The following TAF1 variants were observed in gnomAD, a reference collection of about 807,000 sequenced individuals.
The protein encoded by TAF1 is TATA-box binding protein associated factor 1.
TAF1 carries 2 observed loss-of-function variants against 138.5 expected under a neutral mutation model. That is an observed-to-expected ratio of 0.01 (90% CI 0.01 to 0.05). The LOEUF (loss-of-function observed/expected upper bound fraction) is 0.05, where lower values mean the gene tolerates loss of function less well. Among genes scored for constraint, TAF1 ranks in the 10% least tolerant of loss-of-function variants. TAF1 has a pLI of 1.00. For missense variants in TAF1, 709 were observed against 1,478.0 expected (o/e 0.48, Z 8.53); for synonymous variants, 437 against 503.2 (o/e 0.87, Z 1.76).
At chrX:71,458,140 T>C in intron 34 of TAF1, 101 bp from the exon 35 acceptor site, 1 of 1,026,855 alleles carries the variant, frequency 9.7e-7, no homozygotes, top group Non-Finnish European at 1.3e-6. Context: ...ACTGAATTGC[T>C]CTGCATGATC....
intron 32 of TAF1, chrX:71,441,681 G>C (rs964574118): frequency 2.0e-5 from 6 of 296,468 alleles, no homozygotes; most frequent in African/African-American, 1.4e-4. Context: ...CTATAATTTT[G>C]TATCTTTTTT....
At position 71,382,789 on chromosome X, in the gene TAF1, C is replaced by G; in HGVS notation, c.1694C>G (p.Pro565Arg). 1 of 1,209,759 alleles carries G rather than the reference C, an allele frequency of 8.3e-7. No homozygotes were observed. Among genetic ancestry groups the G allele is most frequent in the East Asian group, 3.0e-5 (1 of 33,830 alleles). Residue 565 changes from proline (P) to arginine (R), a missense_variant, in exon 11 of 38, where the codon CCA (proline) becomes CGA (arginine). Around this residue, in one of 14 missense-constraint regions of TAF1, gnomAD observed 201 missense variants for 421.3 expected, o/e 0.48. Coordinates refer to ENST00000423759, the MANE Select transcript of TAF1 (RefSeq NM_004606.5). ...QNMSQPEVKD[P>R]WNLSNDEYYY... ...ATGTCTCAGCCAGAAGTGAAAGATC[C>G]ATGGAATCTCTCCAATGATGAGTAT...
At chrX:71,504,071 C>T (rs1176871792) in intron 13 of TAF1, among the ~76,000 whole-genome samples, 1 of 110,747 alleles carries the variant, frequency 9.0e-6, no homozygotes, top group Non-Finnish European at 1.9e-5. Context: ...AAGACCAGAG[C>T]TGAAGTTTCC....
intron 13 of TAF1, among the ~76,000 whole-genome samples, chrX:71,480,089 G>A (rs903161658): frequency 1.8e-5 from 2 of 111,111 alleles, no homozygotes; most frequent in Non-Finnish European, 3.8e-5. Context: ...TCTGGGCATG[G>A]TGGTGTGCAC....
At chrX:71,434,981 C>T (rs1469979394) in intron 32 of TAF1, among the ~76,000 whole-genome samples, 2 of 112,342 alleles carry the variant, frequency 1.8e-5, no homozygotes, top group East Asian at 5.6e-4. Flanking sequence ...GCTATATCAC[C>T]CTAAATGTGC....
intron 24 of TAF1, among the ~76,000 whole-genome samples, chrX:71,400,086 T>G (rs192676475): frequency 0.019 from 2,032 of 108,455 alleles, 53 homozygotes; most frequent in African/African-American, 0.065. Flanking sequence ...GTAGGTTTTT[T>G]TTTGTTTGTT....
chrX:71,471,819 G>T (rs2038895804), intron 13 of TAF1, among the ~76,000 whole-genome samples: 1 of 111,615 alleles, frequency 9.0e-6, no homozygotes, highest in Non-Finnish European at 1.9e-5. Flanking sequence ...TTCACCCCAT[G>T]TAAATGAAGT....
At chrX:71,386,639 A>G (rs1295981519) in intron 14 of TAF1, among the ~76,000 whole-genome samples, 1 of 111,555 alleles carries the variant, frequency 9.0e-6, no homozygotes, top group East Asian at 2.8e-4. Context: ...TAATTATTGT[A>G]TTTTCTGTAG....
chrX:71,377,556 C>T, intron 5 of TAF1, 47 bp from the exon 6 acceptor site: 2 of 1,173,316 alleles, frequency 1.7e-6, no homozygotes, highest in Non-Finnish European at 2.3e-6. Context: ...TGCTGTTTTC[C>T]CATCTGACTT....
At chrX:71,525,689 G>A (rs1219963541) in intron 13 of TAF1, among the ~76,000 whole-genome samples, 1 of 109,948 alleles carries the variant, frequency 9.1e-6, no homozygotes, top group East Asian at 2.8e-4. Context: ...GTCTTGCTTG[G>A]TCGCCCAGGC....
intron 32 of TAF1, among the ~76,000 whole-genome samples, chrX:71,425,836 T>A (rs1322788120): frequency 9.0e-6 from 1 of 111,711 alleles, no homozygotes; most frequent in Non-Finnish European, 1.9e-5. Context: ...CACTGATAGA[T>A]GTTACTAATA....
chrX:71,470,623 C>T (rs771209581), downstream of TAF1, among the ~76,000 whole-genome samples: 1 of 107,044 alleles, frequency 9.3e-6, no homozygotes, highest in Non-Finnish European at 1.9e-5. Flanking sequence ...GTGATCCGCC[C>T]ACCTCAGCCC....
intron 32 of TAF1, among the ~76,000 whole-genome samples, chrX:71,445,753 A>T (rs1243491270): frequency 2.7e-5 from 3 of 112,032 alleles, no homozygotes; most frequent in Non-Finnish European, 3.8e-5. Context: ...GAGAATTGAC[A>T]TATTTACTGA....
intron 28 of TAF1, among the ~76,000 whole-genome samples, chrX:71,417,958 T>C (rs757863327): frequency 2.1e-4 from 24 of 112,457 alleles, no homozygotes; most frequent in African/African-American, 6.8e-4. Context: ...TTCAACACTT[T>C]GTTAGCATAT....
intron 32 of TAF1, among the ~76,000 whole-genome samples, chrX:71,450,182 G>GTAAGACGTTTTACCTGGAAGAGACTT (rs2037891321): frequency 2.7e-5 from 3 of 109,151 alleles, no homozygotes; most frequent in Non-Finnish European, 3.8e-5. Context: ...ACCTATACTT[G>GTAAGACGTTTTACCTGGAAGAGACTT]TAAGACGTTT....
chrX:71,367,778 C>A (rs908176855), intron 2 of TAF1, among the ~76,000 whole-genome samples, 165 bp downstream of exon 2: 2 of 112,024 alleles, frequency 1.8e-5, no homozygotes, highest in Non-Finnish European at 3.8e-5. Context: ...TCAAGCATTT[C>A]TCCTGTCTCA....
In TAF1 at chrX:71,401,696, G is replaced by A. The variant is rs1271595626; in HGVS notation, c.3955G>A (p.Val1319Ile). Residue 1319 changes from valine (V) to isoleucine (I), a missense_variant, in exon 25 of 38, where the codon GTT becomes ATT. This residue lies in a region of TAF1 where 5 missense variants were observed against 63.5 expected (regional missense o/e 0.08). Transcript: ENST00000423759. ...TAATGATAATGAAGAACTTATCAAG[G>A]TTGAAGGGACCAAAATTGTCTTGGG... ...IHNDNEELIK[V>I]EGTKIVLGKQ... is the part of the protein sequence containing the mutation. 8.3e-7 allele frequency: 1 copy of A among 1,209,753 alleles called. No homozygotes were observed. Among genetic ancestry groups the A allele is most frequent in the African/African-American group, 1.8e-5 (1 of 57,061 alleles).
At chrX:71,429,506 A>G (rs960366270) in intron 32 of TAF1, among the ~76,000 whole-genome samples, 4 of 110,838 alleles carry the variant, frequency 3.6e-5, no homozygotes, top group African/African-American at 9.8e-5. Context: ...ACTAGGATGC[A>G]TGGTGGAATT....
chrX:71,436,451 G>A (rs1240167739), intron 32 of TAF1, among the ~76,000 whole-genome samples: 4 of 108,817 alleles, frequency 3.7e-5, no homozygotes, highest in Non-Finnish European at 7.6e-5. Flanking sequence ...TCCTGACCTC[G>A]TGATCCGCCT....
Sources: gnomAD v4.1 joint callset for allele counts (sites outside exome capture counted in the v4.1 genomes callset) on GRCh38, gnomAD v4.1.1 for gene constraint, gnomAD v4.1.1 regional missense constraint, MANE v1.5 for transcripts, NCBI Gene and HGNC (gene_info 2026-07-23, HGNC 2026-07-21) for gene names.